Variants in TRPV2 observed in about 807,000 individuals in gnomAD.
TRPV2 encodes OTRPC2.
TRPV2 carries 58 observed loss-of-function variants against 91.0 expected under a neutral mutation model. That is an observed-to-expected ratio of 0.64 (90% CI 0.52 to 0.79). The LOEUF is 0.79. TRPV2 is among the 30% of genes least tolerant of loss of function. The pLI is 0.00. For missense variants in TRPV2, 807 were observed against 969.6 expected, an observed-to-expected ratio of 0.83 and a Z score of 2.23; for synonymous variants, 417 against 414.8, an observed-to-expected ratio of 1.01 and a Z score of -0.06.
At position 16,431,947 on chromosome 17, in the gene TRPV2, C is replaced by T. The variant is rs762939925; in HGVS notation, c.1655-19C>T. On this transcript the variant is annotated intron_variant, in intron 11 of 14. Coordinates refer to ENST00000338560, the MANE Select transcript of TRPV2 (RefSeq NM_016113.5). ...CACCGGTCTCCTGGGCTAAGGACCC[C>T]TCTCCCTTCATCCCATAGCCCTGGT... The T allele has an allele frequency of 1.9e-6, 3 of 1,609,884 alleles. No homozygotes were observed. The highest frequency in any genetic ancestry group is 2.2e-5 in the East Asian group (1 of 44,840).
rs760416544 is a variant in TRPV2 at position 16,427,437 on chromosome 17, G to C, written c.1252-12G>C. ...ACCCAAGGCCCTAGGTCTCATCTGA[G>C]TGTGTCTTCAGCAGGCCGCCCCTCA... On this transcript the variant is annotated splice_polypyrimidine_tract_variant and intron_variant, in intron 7 of 14. Coordinates refer to ENST00000338560, the MANE Select transcript of TRPV2 (RefSeq NM_016113.5). The C allele has an allele frequency of 1.2e-6, 2 of 1,613,120 alleles. No individual in the cohort carries two copies. Among genetic ancestry groups the C allele is most frequent in the Non-Finnish European group, 1.7e-6 (2 of 1,179,398 alleles).
In TRPV2 at chr17:16,432,131, T is replaced by A. The variant is rs1160113196; in HGVS notation, c.1820T>A (p.Met607Lys). 1 of 1,614,248 alleles carries A rather than the reference T, an allele frequency of 6.2e-7. No homozygotes were observed. The highest frequency in any genetic ancestry group is 8.5e-7 in the Non-Finnish European group (1 of 1,180,046). ...SLELFKFTIGMGELAFQEQLH... is the reference protein window; with the variant it reads ...SLELFKFTIGKGELAFQEQLH... ...GAGCTCTTCAAATTCACCATCGGCA[T>A]GGGCGAGCTGGCCTTCCAGGAGCAG... The change falls in exon 12 of 15, where the codon ATG becomes AAG. Residue 607 changes from methionine (M) to lysine (K), a missense_variant. Transcript: ENST00000338560.
Position 16,426,738 on chromosome 17 carries a change from T to C in TRPV2, c.1112T>C (p.Val371Ala). The change falls in exon 7 of 15, where the codon GTC becomes GCC. Residue 371 changes from valine to alanine, a missense_variant. Val to Ala is a moderately conservative substitution (Grantham distance 64). Transcript: ENST00000338560. The surrounding 1 kb of genome is among the most constrained non-coding windows in gnomAD (Gnocchi z 6.0). ...HCKSPHRHRM[V>A]VLEPLNKLLQ... Reference sequence around the variant, plus strand: ...CCACCCCAGCACCGACACCGAATGGTCGTTTTGGAGCCCCTGAACAAACTG... The same window carrying C: ...CCACCCCAGCACCGACACCGAATGGCCGTTTTGGAGCCCCTGAACAAACTG... 5 of 1,613,706 alleles carry C rather than the reference T, an allele frequency of 3.1e-6. No individual in the cohort carries two copies. Among genetic ancestry groups the C allele is most frequent in the Non-Finnish European group, 4.2e-6 (5 of 1,179,838 alleles).
At position 16,422,769 on chromosome 17, in the gene TRPV2, A is replaced by T; in HGVS notation, c.505A>T (p.Ile169Phe). The T allele has an allele frequency of 3.2e-6, 5 of 1,575,176 alleles. No individual in the cohort carries two copies. The Middle Eastern group carries it at 8.3e-4, about 261-fold the overall frequency. ...TTACCGAGGCCACAGCGCTCTGCACATCGCCATTGAGAAGAGGAGTCTGCA... is the reference window on the plus strand; with the variant it reads ...TTACCGAGGCCACAGCGCTCTGCACTTCGCCATTGAGAAGAGGAGTCTGCA... ...DYYRGHSALH[I>F]AIEKRSLQCV... Residue 169 changes from isoleucine to phenylalanine, a missense_variant, in exon 4 of 15, where the codon ATC (isoleucine) becomes TTC (phenylalanine). Physicochemically the swap from Ile to Phe is conservative, Grantham distance 21. Coordinates refer to ENST00000338560, the MANE Select transcript of TRPV2 (RefSeq NM_016113.5).
rs1263729341 is a variant in TRPV2, at chr17:16,431,300, T to A, written c.1588-484T>A. Reference sequence around the variant, plus strand: ...ATATATATATATACATATTTTTTTTTTTTTTTTTTTTGAGACGAAGTCTCA... The same window carrying A: ...ATATATATATATACATATTTTTTTTATTTTTTTTTTTGAGACGAAGTCTCA... On this transcript the variant is annotated intron_variant, in intron 10 of 14. Transcript: ENST00000338560. Among the ~76,000 whole-genome samples, 511 of 96,942 alleles carry A rather than the reference T, an allele frequency of 5.3e-3. 9 individuals are homozygous for A. Among genetic ancestry groups the A allele is most frequent in the East Asian group, 0.017 (64 of 3,866 alleles). The allele number at this position is 96,942 out of a possible 152,430, so 63.6% of individuals were successfully genotyped here. A position where few individuals can be genotyped will look rare whatever the true frequency, so the allele number is the denominator to read the frequency against.
rs534787507 is a variant in TRPV2, at chr17:16,416,757, C to T, written c.-107-805C>T. On this transcript the variant is annotated intron_variant, in intron 1 of 14. Coordinates refer to ENST00000338560, the MANE Select transcript of TRPV2 (RefSeq NM_016113.5). Reference sequence around the variant, plus strand: ...TCCGGCTCTGCCAACAACTGGCGACCTTGGGAAAGCCACTCCCCCTTTCTA... The same window carrying T: ...TCCGGCTCTGCCAACAACTGGCGACTTTGGGAAAGCCACTCCCCCTTTCTA... 5 of 152,340 alleles carry T rather than the reference C, an allele frequency of 3.3e-5. No individual in the cohort carries two copies. The South Asian group carries it at 1.0e-3, about 32-fold the overall frequency. The allele number at this position is 152,340 out of a possible 1,614,324, so 9.4% of individuals were successfully genotyped here. A position where few individuals can be genotyped will look rare whatever the true frequency, so the allele number is the denominator to read the frequency against.
At chr17:16,434,774 GT>G in intron 13 of TRPV2, 115 bp from the exon 14 acceptor site, 1 of 959,168 alleles carries the variant, frequency 1.0e-6, no homozygotes, top group African/African-American at 1.7e-5. Context: ...CAGGGCCTCT[GT>G]GTCCACCAGA....
chr17:16,436,793 T>C lies in TRPV2; in HGVS notation c.2199T>C (p.Thr733=). 6.2e-7 allele frequency: 1 copy of C among 1,613,276 alleles called. No individual in the cohort carries two copies. Among genetic ancestry groups the C allele is most frequent in the Non-Finnish European group, 8.5e-7 (1 of 1,179,274 alleles). The change falls in exon 15 of 15, where the codon ACT becomes ACC. Residue 733 remains threonine, a synonymous_variant. Coordinates refer to ENST00000338560, the MANE Select transcript of TRPV2 (RefSeq NM_016113.5). The stretch of plus-strand genomic sequence containing the variant: ...GTGCTTGCCATCTGTTTACAGGAAC[T>C]CTCGAGAACCCTGTCCTGGCTTCCC... ...EDPSGAGVPR[T]LENPVLASPP...
At position 16,425,515 on chromosome 17, in the gene TRPV2, G is replaced by A. The variant is rs191995001; in HGVS notation, c.925-584G>A. ...GAGATTTTTGAAAGATTAAGGAAACGATAAACATAAATAGAAGTTTTAACC... is the reference window on the plus strand; with the variant it reads ...GAGATTTTTGAAAGATTAAGGAAACAATAAACATAAATAGAAGTTTTAACC... On this transcript the variant is annotated intron_variant, in intron 5 of 14. Transcript: ENST00000338560. Among the ~76,000 whole-genome samples the A allele has an allele frequency of 1.7e-3, 258 of 152,292 alleles. 1 individual carries two copies. The highest frequency in any genetic ancestry group is 5.6e-3 in the African/African-American group (232 of 41,552).
At chr17:16,430,787 ATTCC>A (rs763736092) in intron 10 of TRPV2, among the ~76,000 whole-genome samples, 2 of 152,136 alleles carry the variant, frequency 1.3e-5, no homozygotes, top group Admixed American at 6.5e-5. Context: ...CGCCCAGCCA[ATTCC>A]TTCCTTTGTA....
rs2093431007 is a variant in TRPV2, at chr17:16,435,476, C to T, written c.2194+507C>T. Among the ~76,000 whole-genome samples the T allele has an allele frequency of 1.3e-5, 2 of 152,144 alleles. No homozygotes were observed. The highest frequency in any genetic ancestry group is 1.9e-4 in the East Asian group (1 of 5,190). Reference sequence around the variant, plus strand: ...CACCTCTGAGAAACCACTTCCCATGCTTCCTCCATGTCCGTGGCCTGTGTC... The same window carrying T: ...CACCTCTGAGAAACCACTTCCCATGTTTCCTCCATGTCCGTGGCCTGTGTC... On this transcript the variant is annotated intron_variant, in intron 14 of 14. Transcript: ENST00000338560. This position sits in a 1 kb window ranked among gnomAD's most constrained non-coding sequence, Gnocchi z 4.2.
At position 16,427,132 on chromosome 17, in the gene TRPV2, T is replaced by C. The variant is rs114121043; in HGVS notation, c.1251+255T>C. Among the ~76,000 whole-genome samples, 849 of 152,230 alleles carry C rather than the reference T, an allele frequency of 5.6e-3. 4 individuals carry two copies. The highest frequency in any genetic ancestry group is 0.017 in the African/African-American group (697 of 41,512). On this transcript the variant is annotated intron_variant, in intron 7 of 14. Coordinates refer to ENST00000338560, the MANE Select transcript of TRPV2 (RefSeq NM_016113.5). ...GCCCCAAAACCCTTGAGATGGTGAATTATAATCACCCCCAGTTTATAGTAG... is the reference window on the plus strand; with the variant it reads ...GCCCCAAAACCCTTGAGATGGTGAACTATAATCACCCCCAGTTTATAGTAG...
rs745489517 is a variant in TRPV2 at position 16,426,918 on chromosome 17, C to A, written c.1251+41C>A. 1 of 1,592,512 alleles carries A rather than the reference C, an allele frequency of 6.3e-7. No individual in the cohort carries two copies. Among genetic ancestry groups the A allele is most frequent in the Non-Finnish European group, 8.5e-7 (1 of 1,170,034 alleles). On this transcript the variant is annotated intron_variant, in intron 7 of 14. Coordinates refer to ENST00000338560, the MANE Select transcript of TRPV2 (RefSeq NM_016113.5). The surrounding 1 kb of genome is among the most constrained non-coding windows in gnomAD (Gnocchi z 6.0). ...TTGGGGGGGCACATCTTGGGGGAGG[C>A]CTGCTTGAAACAACCCTGGGGGAAG...
chr17:16,422,786 G>A lies in TRPV2; in HGVS notation c.522G>A (p.Arg174=). The change falls in exon 4 of 15, where the codon AGG becomes AGA. Residue 174 remains arginine (R), a synonymous_variant. Coordinates refer to ENST00000338560, the MANE Select transcript of TRPV2 (RefSeq NM_016113.5). ...CTCTGCACATCGCCATTGAGAAGAG[G>A]AGTCTGCAGTGTGTGAAGCTCCTGG... ...HSALHIAIEK[R]SLQCVKLLVE... 6.4e-7 allele frequency: 1 copy of A among 1,573,718 alleles called. No homozygotes were observed. Among genetic ancestry groups the A allele is most frequent in the African/African-American group, 1.4e-5 (1 of 74,034 alleles).
At chr17:16,428,644 T>C (rs1799855284) in intron 9 of TRPV2, 173 bp from the exon 10 acceptor site, 4 of 749,874 alleles carry the variant, frequency 5.3e-6, no homozygotes, top group Non-Finnish European at 8.7e-6. Context: ...GAAAACACTC[T>C]ATGAGTCAGG....
Position 16,426,939 on chromosome 17 carries a change from G to C in TRPV2, c.1251+62G>C. ...GAGGCCTGCTTGAAACAACCCTGGG[G>C]GAAGATGGGGCAGTAATAGTGCTGA... is the stretch of plus-strand genomic sequence containing the variant. On this transcript the variant is annotated intron_variant, in intron 7 of 14. Transcript: ENST00000338560. The surrounding 1 kb of genome is among the most constrained non-coding windows in gnomAD (Gnocchi z 6.0). 1 of 1,564,172 alleles carries C rather than the reference G, an allele frequency of 6.4e-7. No individual in the cohort carries two copies. Among genetic ancestry groups the C allele is most frequent in the South Asian group, 1.2e-5 (1 of 84,290 alleles).
Position 16,427,550 on chromosome 17 carries a change from G to A in TRPV2, c.1350+3G>A, listed in dbSNP as rs2093389562. On this transcript the variant is annotated splice_donor_region_variant and intron_variant, in intron 8 of 14. Coordinates refer to ENST00000338560, the MANE Select transcript of TRPV2 (RefSeq NM_016113.5). ...GGATCTACCTCCTCGTGGGCCAGGT[G>A]AGTGCCCCTCCCCTTCTCCTACCAA... 3 of 1,610,750 alleles carry A rather than the reference G, an allele frequency of 1.9e-6. No homozygotes were observed. Among genetic ancestry groups the A allele is most frequent in the South Asian group, 1.1e-5 (1 of 90,836 alleles).
chr17:16,427,480 G>A lies in TRPV2; in HGVS notation c.1283G>A (p.Gly428Glu). Residue 428 changes from glycine to glutamate, a missense_variant, in exon 8 of 15, where the codon GGA becomes GAA. Transcript: ENST00000338560. ...GCCCCTCACCTGAAAGCGGAGGTTG[G>A]AAACTCCATGCTGCTGACGGGCCAC... Reference protein sequence around the residue: ...QAAPHLKAEVGNSMLLTGHIL... With the variant: ...QAAPHLKAEVENSMLLTGHIL... 1 of 1,613,862 alleles carries A rather than the reference G, an allele frequency of 6.2e-7. No individual in the cohort carries two copies. Among genetic ancestry groups the A allele is most frequent in the Middle Eastern group, 1.7e-4 (1 of 6,058 alleles).
At chr17:16,418,134 C>G (rs1421233589) in intron 2 of TRPV2, among the ~76,000 whole-genome samples, 1 of 152,212 alleles carries the variant, frequency 6.6e-6, no homozygotes, top group African/African-American at 2.4e-5. Flanking sequence ...GCTCTAAGTC[C>G]TCAACTGACC....
Sources: allele counts gnomAD v4.1 joint callset (sites outside exome capture counted in the v4.1 genomes callset), GRCh38; gene constraint gnomAD v4.1.1; non-coding constraint Gnocchi (gnomAD v3.1); transcripts MANE v1.5; gene names NCBI Gene and HGNC (gene_info 2026-07-23, HGNC 2026-07-21).